DNAJC1: variants seen among roughly 807,000 people sequenced by gnomAD.
DNAJC1 encodes the protein DnaJ heat shock protein family (Hsp40) member C1, also known as dnaJ homolog subfamily C member 1.
In DNAJC1, 58 loss-of-function variants were observed where a neutral mutation model predicts 76.6. The ratio of observed to expected loss-of-function variants is 0.76; its 90% CI spans 0.61 to 0.94. DNAJC1 has a LOEUF of 0.94. Ranked by LOEUF, DNAJC1 falls within the 40% of genes least tolerant of loss-of-function variation. The pLI is 0.00. For missense variants in DNAJC1, 689 were observed against 677.3 expected, an observed-to-expected ratio of 1.02 and a Z score of -0.19; for synonymous variants, 258 against 267.9, an observed-to-expected ratio of 0.96 and a Z score of 0.36.
chr10:21,919,736 G>A (rs1837010438), intron 5 of DNAJC1, 96 bp downstream of exon 5: 1 of 781,014 alleles, frequency 1.3e-6, no homozygotes, highest in Admixed American at 2.5e-5. Flanking sequence ...ATATAAATGA[G>A]AGCACATGTA....
At position 21,951,788 on chromosome 10, in the gene DNAJC1, C is replaced by T. The variant is rs186532439; in HGVS notation, c.223-22647G>A. Among the ~76,000 whole-genome samples, 563 of 152,274 alleles carry T rather than the reference C, an allele frequency of 3.7e-3. 2 individuals are homozygous for T. The highest frequency in any genetic ancestry group is 6.0e-3 in the Non-Finnish European group (409 of 68,012). ...TCCTACCCCTGAGAAACAGGCCATA[C>T]TTTTACAAGTTCACTTTGTTACACA... is the stretch of plus-strand genomic sequence containing the variant. On this transcript the variant is annotated intron_variant, in intron 1 of 11. Transcript: ENST00000376980.
intron 3 of DNAJC1, among the ~76,000 whole-genome samples, chr10:21,925,739 A>G (rs1278686639): frequency 6.6e-6 from 1 of 152,232 alleles, no homozygotes; most frequent in Non-Finnish European, 1.5e-5. Flanking sequence ...GGACAAATTT[A>G]TAAATACACT....
intron 8 of DNAJC1, among the ~76,000 whole-genome samples, chr10:21,870,576 C>T (rs991039636): frequency 5.3e-5 from 8 of 151,930 alleles, no homozygotes; most frequent in African/African-American, 1.7e-4. Flanking sequence ...GAGTTGGAGA[C>T]GAGCCTAGGT....
chr10:21,894,939 C>T (rs1401735569), intron 7 of DNAJC1, among the ~76,000 whole-genome samples: 1 of 152,202 alleles, frequency 6.6e-6, no homozygotes, highest in African/African-American at 2.4e-5. Context: ...TCATCAGATA[C>T]TAAACTTGCT....
intron 8 of DNAJC1, among the ~76,000 whole-genome samples, chr10:21,831,391 C>T (rs1037834123): frequency 2.0e-5 from 3 of 152,304 alleles, no homozygotes; most frequent in African/African-American, 7.2e-5. Flanking sequence ...TCAGTTTCTG[C>T]TAATACTCTG....
intron 8 of DNAJC1, among the ~76,000 whole-genome samples, chr10:21,837,193 G>A (rs1416692107): frequency 6.6e-6 from 1 of 152,246 alleles, no homozygotes; most frequent in Non-Finnish European, 1.5e-5. Context: ...GATTGCAGAC[G>A]GAGTCTCGTT....
At chr10:21,761,690 G>C (rs548834057) in intron 10 of DNAJC1, among the ~76,000 whole-genome samples, 3 of 152,144 alleles carry the variant, frequency 2.0e-5, no homozygotes, top group African/African-American at 7.2e-5. Flanking sequence ...GTGTGTGAAC[G>C]TCTAGAAACA....
chr10:21,853,753 A>G (rs1835789295), intron 8 of DNAJC1, among the ~76,000 whole-genome samples: 1 of 128,250 alleles, frequency 7.8e-6, no homozygotes, highest in African/African-American at 3.1e-5. Flanking sequence ...GAGATTGCAC[A>G]CTCCAGCCTG....
At chr10:21,836,888 C>A (rs180720950) in intron 8 of DNAJC1, among the ~76,000 whole-genome samples, 147 of 152,114 alleles carry the variant, frequency 9.7e-4, no homozygotes, top group African/African-American at 3.2e-3. Flanking sequence ...GGGAGAGCTC[C>A]CTCTCCCTCT....
At chr10:21,914,870 T>G (rs566915348) in intron 6 of DNAJC1, among the ~76,000 whole-genome samples, 7 of 152,280 alleles carry the variant, frequency 4.6e-5, no homozygotes, top group African/African-American at 1.7e-4. Flanking sequence ...CTCTTTTTAG[T>G]TTTCTTTGGT....
chr10:21,886,494 C>T (rs1836367903), intron 7 of DNAJC1, among the ~76,000 whole-genome samples: 2 of 152,120 alleles, frequency 1.3e-5, no homozygotes, highest in South Asian at 4.1e-4. Context: ...CCAGCATCAT[C>T]CTGATACTAA....
intron 10 of DNAJC1, among the ~76,000 whole-genome samples, chr10:21,765,396 T>A (rs1402159514): frequency 3.3e-5 from 5 of 152,144 alleles, no homozygotes; most frequent in Non-Finnish European, 5.9e-5. Flanking sequence ...CTGGGTTTGC[T>A]AATTGTTGGC....
chr10:21,905,952 T>C (rs1262886041), intron 6 of DNAJC1, among the ~76,000 whole-genome samples: 2 of 152,262 alleles, frequency 1.3e-5, no homozygotes, highest in East Asian at 3.9e-4. Flanking sequence ...TCTTTGACAC[T>C]ACTTTGACTC....
At chr10:21,824,055 C>T (rs1313523527) in intron 8 of DNAJC1, among the ~76,000 whole-genome samples, 3 of 152,076 alleles carry the variant, frequency 2.0e-5, no homozygotes, top group African/African-American at 7.2e-5. Flanking sequence ...AGCAGGCTTA[C>T]AATAATTATG....
chr10:21,891,612 G>A (rs1298662576), intron 7 of DNAJC1, among the ~76,000 whole-genome samples: 1 of 151,982 alleles, frequency 6.6e-6, no homozygotes, highest in South Asian at 2.1e-4. Context: ...TCAAATGACA[G>A]TGTATTTCTC....
In DNAJC1 at chr10:21,920,852, A is replaced by T; in HGVS notation, c.483T>A (p.Ile161=). The T allele has an allele frequency of 6.2e-7, 1 of 1,613,156 alleles. No homozygotes were observed. ...NAELALLLFI[I]LTVGHYAVVW... ...CCACAGCATAATGACCCACTGTGAG[A>T]ATAATGAACAAGAGTAATGCCAGCT... Residue 161 remains isoleucine (I), a synonymous_variant, in exon 4 of 12, where the codon ATT becomes ATA. Coordinates refer to ENST00000376980, the MANE Select transcript of DNAJC1 (RefSeq NM_022365.4).
At chr10:21,886,910 G>A (rs554239293) in intron 7 of DNAJC1, among the ~76,000 whole-genome samples, 1 of 152,260 alleles carries the variant, frequency 6.6e-6, no homozygotes, top group South Asian at 2.1e-4. Flanking sequence ...GCAAGAGAAA[G>A]AAATAAAGCA....
chr10:21,795,761 T>G (rs536555114), intron 9 of DNAJC1, among the ~76,000 whole-genome samples: 12 of 152,270 alleles, frequency 7.9e-5, no homozygotes, highest in African/African-American at 2.2e-4. Flanking sequence ...TACCAAAACT[T>G]TATATCCATT....
chr10:21,824,666 C>G (rs1236147772), intron 8 of DNAJC1, among the ~76,000 whole-genome samples: 1 of 152,198 alleles, frequency 6.6e-6, no homozygotes, highest in Non-Finnish European at 1.5e-5. Flanking sequence ...GCCCCCACTT[C>G]CTACCCAGTT....
Sources: gnomAD v4.1 joint callset for allele counts (sites outside exome capture counted in the v4.1 genomes callset) on GRCh38, gnomAD v4.1.1 for gene constraint, MANE v1.5 for transcripts, NCBI Gene and HGNC (gene_info 2026-07-23, HGNC 2026-07-21) for gene names.